ITGBL1: variants seen among roughly 807,000 people sequenced by gnomAD.
The protein encoded by ITGBL1 is integrin subunit beta like 1.
A neutral mutation model predicts 68.5 loss-of-function variants in ITGBL1; 51 were observed. The ratio of observed to expected loss-of-function variants is 0.74; its 90% CI spans 0.59 to 0.94. The LOEUF (loss-of-function observed/expected upper bound fraction) is 0.94, where lower values mean the gene tolerates loss of function less well. Among genes scored for constraint, ITGBL1 ranks in the 40% least tolerant of loss-of-function variants. The pLI, the probability that ITGBL1 is intolerant of heterozygous loss-of-function variation, is 0.00. For synonymous variants in ITGBL1, 209 were observed against 227.3 expected, an observed-to-expected ratio of 0.92 and a Z score of 0.72; for missense variants, 649 against 647.4, an observed-to-expected ratio of 1.00 and a Z score of -0.03.
At chr13:101,673,006 G>A (rs1340586818) in intron 7 of ITGBL1, among the ~76,000 whole-genome samples, 1 of 152,170 alleles carries the variant, frequency 6.6e-6, no homozygotes, top group Non-Finnish European at 1.5e-5. Context: ...GACAAGACTT[G>A]TGCCTGATGT....
intron 8 of ITGBL1, among the ~76,000 whole-genome samples, chr13:101,698,353 TACCAATAAC>T (rs2034050707): frequency 6.6e-6 from 1 of 152,232 alleles, no homozygotes; most frequent in Non-Finnish European, 1.5e-5. Context: ...TCCCCTTTCC[TACCAATAAC>T]ACTAAAGATG....
At chr13:101,664,043 T>C (rs1475551096) in intron 7 of ITGBL1, among the ~76,000 whole-genome samples, 2 of 152,148 alleles carry the variant, frequency 1.3e-5, no homozygotes, top group African/African-American at 4.8e-5. Context: ...GTGTAATCAT[T>C]ATATGAAAAA....
At chr13:101,501,260 C>G (rs1014992230) in intron 2 of ITGBL1, among the ~76,000 whole-genome samples, 14 of 152,168 alleles carry the variant, frequency 9.2e-5, no homozygotes, top group Non-Finnish European at 1.9e-4. Flanking sequence ...TTTGGTGGCC[C>G]AGGCTTCCAG....
intron 7 of ITGBL1, among the ~76,000 whole-genome samples, chr13:101,610,461 C>G (rs2031071773): frequency 6.6e-6 from 1 of 152,156 alleles, no homozygotes; most frequent in Non-Finnish European, 1.5e-5. Flanking sequence ...ACTCTACACT[C>G]ACAGCATACA....
At chr13:101,642,879 T>C (rs1162123215) in intron 7 of ITGBL1, among the ~76,000 whole-genome samples, 4 of 151,864 alleles carry the variant, frequency 2.6e-5, no homozygotes, top group Admixed American at 2.0e-4. Context: ...GTTGTAGATA[T>C]GCAGCGTTAT....
intron 2 of ITGBL1, among the ~76,000 whole-genome samples, chr13:101,479,994 T>C (rs1183269979): frequency 6.6e-6 from 1 of 152,016 alleles, no homozygotes; most frequent in Non-Finnish European, 1.5e-5. Context: ...GAAATCAGGG[T>C]ATGGAAGAGA....
chr13:101,707,241 G>T (rs1053808784), intron 9 of ITGBL1, among the ~76,000 whole-genome samples: 8 of 152,008 alleles, frequency 5.3e-5, no homozygotes, highest in African/African-American at 1.9e-4. Context: ...AATGATTATT[G>T]GGCTCACCTC....
At chr13:101,640,878 A>T (rs186998592) in intron 7 of ITGBL1, among the ~76,000 whole-genome samples, 1 of 152,332 alleles carries the variant, frequency 6.6e-6, no homozygotes, top group African/African-American at 2.4e-5. Flanking sequence ...ACCTGAGAGC[A>T]GTACATTAGC....
intron 2 of ITGBL1, among the ~76,000 whole-genome samples, chr13:101,455,856 A>G (rs1053774607): frequency 3.3e-5 from 5 of 152,146 alleles, no homozygotes; most frequent in Non-Finnish European, 4.4e-5. Context: ...GCCCTCTTCA[A>G]TATCATGAAT....
chr13:101,522,477 G>A (rs903942205), intron 2 of ITGBL1, among the ~76,000 whole-genome samples: 1 of 152,126 alleles, frequency 6.6e-6, no homozygotes, highest in Admixed American at 6.6e-5. Flanking sequence ...AGCCATTTAA[G>A]CCTTTTGAGA....
At chr13:101,635,082 T>A (rs1302189365) in intron 7 of ITGBL1, among the ~76,000 whole-genome samples, 1 of 152,084 alleles carries the variant, frequency 6.6e-6, no homozygotes, top group African/African-American at 2.4e-5. Context: ...TGTTAAATTG[T>A]ATATTATATA....
intron 6 of ITGBL1, among the ~76,000 whole-genome samples, chr13:101,595,479 A>G (rs546357682): frequency 2.3e-4 from 35 of 151,534 alleles, no homozygotes; most frequent in Non-Finnish European, 4.7e-4. Context: ...TTGAAACTAT[A>G]TCTAACTCAT....
chr13:101,474,529 C>T (rs562168411), intron 2 of ITGBL1, among the ~76,000 whole-genome samples: 3 of 152,234 alleles, frequency 2.0e-5, no homozygotes, highest in Admixed American at 2.0e-4. Flanking sequence ...AATCCTGGCT[C>T]AGTTTGCAAC....
intron 6 of ITGBL1, among the ~76,000 whole-genome samples, chr13:101,584,604 A>G (rs1427111417): frequency 6.6e-6 from 1 of 152,174 alleles, no homozygotes; most frequent in Non-Finnish European, 1.5e-5. Flanking sequence ...CCCATTGCAG[A>G]AGGGTTTCCC....
chr13:101,605,799 C>T (rs2139352775), intron 7 of ITGBL1, among the ~76,000 whole-genome samples: 1 of 93,096 alleles, frequency 1.1e-5, no homozygotes, highest in Non-Finnish European at 2.3e-5. Context: ...CGTATATGTA[C>T]TCGTGTGTAG....
intron 2 of ITGBL1, among the ~76,000 whole-genome samples, chr13:101,532,626 C>A (rs1045849142): frequency 6.6e-6 from 1 of 152,154 alleles, no homozygotes; most frequent in Non-Finnish European, 1.5e-5. Context: ...AAAAGAAATT[C>A]TTTGAACATG....
At position 101,605,752 on chromosome 13, in the gene ITGBL1, G is replaced by A. The variant is rs142620367; in HGVS notation, c.1015+7453G>A. On this transcript the variant is annotated intron_variant, in intron 7 of 10. Transcript: ENST00000376180. ...CACGTATGTAGACATATGTATGTGCGTATATGTGTGTACACGTGTGTAGGC... is the reference window on the plus strand; with the variant it reads ...CACGTATGTAGACATATGTATGTGCATATATGTGTGTACACGTGTGTAGGC... 3.2e-4 allele frequency among the ~76,000 whole-genome samples: 47 copies of A among 148,096 alleles called. 1 individual carries two copies. Among genetic ancestry groups the A allele is most frequent in the African/African-American group, 4.5e-4 (18 of 40,402 alleles).
At chr13:101,676,367 A>G (rs1208392641) in intron 7 of ITGBL1, among the ~76,000 whole-genome samples, 1 of 152,186 alleles carries the variant, frequency 6.6e-6, no homozygotes, top group Non-Finnish European at 1.5e-5. Flanking sequence ...TATATATCCA[A>G]TTAGGAATTG....
intron 7 of ITGBL1, among the ~76,000 whole-genome samples, chr13:101,609,110 T>C (rs1006035691): frequency 6.6e-6 from 1 of 152,120 alleles, no homozygotes; most frequent in Admixed American, 6.6e-5. Context: ...AATAGTAATA[T>C]TATATGTAGA....
Sources: allele counts gnomAD v4.1 joint callset (sites outside exome capture counted in the v4.1 genomes callset), GRCh38; gene constraint gnomAD v4.1.1; transcripts MANE v1.5; gene names NCBI Gene and HGNC (gene_info 2026-07-23, HGNC 2026-07-21).